PTPRD: variants seen among roughly 807,000 people sequenced by gnomAD.
PTPRD encodes the protein receptor-type tyrosine-protein phosphatase delta.
In PTPRD, 34 loss-of-function variants were observed where a neutral mutation model predicts 214.5. The observed-to-expected ratio is 0.16, with a 90% CI of 0.12 to 0.21. The LOEUF (loss-of-function observed/expected upper bound fraction) is 0.21. Ranked by LOEUF, PTPRD falls within the 10% of genes least tolerant of loss-of-function variation. The pLI, the probability that PTPRD is intolerant of heterozygous loss-of-function variation, is 1.00. For synonymous variants in PTPRD, 1,128 were observed against 845.7 expected, an observed-to-expected ratio of 1.33 and a Z score of -5.79; for missense variants, 2,545 against 2,398.7, an observed-to-expected ratio of 1.06 and a Z score of -1.27.
At chr9:9,932,970 C>A (rs1324792548) in intron 5 of PTPRD, among the ~76,000 whole-genome samples, 2 of 149,588 alleles carry the variant, frequency 1.3e-5, no homozygotes, top group Non-Finnish European at 1.5e-5. Context: ...TCATATCCAG[C>A]CAAACTAAGC....
intron 10 of PTPRD, among the ~76,000 whole-genome samples, chr9:9,178,552 T>G (rs970467807): frequency 6.6e-6 from 1 of 152,116 alleles, no homozygotes; most frequent in African/African-American, 2.4e-5. Context: ...ACAGCCTATT[T>G]TAGTTCTAAT....
chr9:10,538,280 AAATAAATAAATAAAT>A (rs2058325032), intron 2 of PTPRD, among the ~76,000 whole-genome samples: 1 of 149,674 alleles, frequency 6.7e-6, no homozygotes, highest in Admixed American at 6.7e-5. Context: ...ATAAATAAAT[AAATAAATAAATAAAT>A]AAAAAGGGAG....
intron 10 of PTPRD, among the ~76,000 whole-genome samples, chr9:9,182,359 A>G (rs907305149): frequency 1.3e-5 from 2 of 152,036 alleles, no homozygotes; most frequent in Non-Finnish European, 2.9e-5. Flanking sequence ...TAAACTGAGG[A>G]TGCAAAATTT....
intron 3 of PTPRD, among the ~76,000 whole-genome samples, chr9:10,067,847 A>G (rs988283972): frequency 2.0e-5 from 3 of 151,906 alleles, no homozygotes; most frequent in Non-Finnish European, 4.4e-5. Flanking sequence ...TCTGGATGAA[A>G]AAGCCTAGAT....
chr9:9,274,799 A>G (rs551859668), intron 9 of PTPRD, among the ~76,000 whole-genome samples: 1 of 150,454 alleles, frequency 6.6e-6, no homozygotes, highest in Admixed American at 6.7e-5. Flanking sequence ...TATTTTTATT[A>G]TTAAACCAGC....
At chr9:8,865,889 A>AG (rs1161515522) in intron 11 of PTPRD, among the ~76,000 whole-genome samples, 2 of 152,176 alleles carry the variant, frequency 1.3e-5, no homozygotes, top group African/African-American at 4.8e-5. Flanking sequence ...ACGGGAGTGG[A>AG]TGGATTCGTA....
At chr9:8,345,391 T>C (rs1393105298) in intron 39 of PTPRD, among the ~76,000 whole-genome samples, 3 of 152,060 alleles carry the variant, frequency 2.0e-5, no homozygotes, top group Non-Finnish European at 4.4e-5. Flanking sequence ...TGCTTCACAA[T>C]GCTTTCCACC....
chr9:9,998,129 A>AAATATATATATATATATATATATAT (rs57991748), intron 4 of PTPRD, among the ~76,000 whole-genome samples: 1 of 91,462 alleles, frequency 1.1e-5, no homozygotes, highest in African/African-American at 5.9e-5. Context: ...AAAAAAAAAA[A>AAATATATATATATATATATATATAT]ATATATATAT....
chr9:9,791,985 T>G (rs1184080503), intron 5 of PTPRD, among the ~76,000 whole-genome samples: 1 of 152,154 alleles, frequency 6.6e-6, no homozygotes, highest in Non-Finnish European at 1.5e-5. Context: ...CATCTAGAGT[T>G]CTGTTGTCCT....
chr9:9,433,772 C>T (rs558578236), intron 8 of PTPRD, among the ~76,000 whole-genome samples: 3 of 152,138 alleles, frequency 2.0e-5, no homozygotes, highest in Admixed American at 2.0e-4. Context: ...ATTTTAGTAC[C>T]AAAATGGCCA....
intron 3 of PTPRD, among the ~76,000 whole-genome samples, chr9:10,119,346 AGT>A (rs1287125084): frequency 1.3e-5 from 2 of 151,996 alleles, no homozygotes; most frequent in African/African-American, 4.8e-5. Context: ...CCATCTCCAT[AGT>A]GTTTGCCTTC....
chr9:10,572,884 T>C (rs868781376), intron 2 of PTPRD, among the ~76,000 whole-genome samples: 1 of 152,172 alleles, frequency 6.6e-6, no homozygotes, highest in Non-Finnish European at 1.5e-5. Flanking sequence ...TTTTTTTATT[T>C]TTTTAAACTT....
rs1295595465 is a variant in PTPRD, at chr9:9,950,471, TC to T, written c.-471-11862del. 2.1e-5 allele frequency among the ~76,000 whole-genome samples: 2 copies of T among 95,472 alleles called. 1 individual carries two copies. The highest frequency in any genetic ancestry group is 1.6e-4 in the African/African-American group (2 of 12,456). 62.6% of individuals were successfully genotyped at this position (95,472 alleles called of 152,430 possible). On this transcript the variant is annotated intron_variant, in intron 4 of 45. Coordinates refer to ENST00000381196, the MANE Select transcript of PTPRD (RefSeq NM_002839.4). ...CGGGCGCGGTGGCTCACGCCTGTAA[TC>T]CCAGCACTTTGGGAGGCCGAGGCGG...
intron 3 of PTPRD, among the ~76,000 whole-genome samples, chr9:10,141,376 T>A (rs980322067): frequency 2.0e-5 from 3 of 152,122 alleles, no homozygotes; most frequent in African/African-American, 7.2e-5. Flanking sequence ...CAAAATCTCC[T>A]TAAGCTGATA....
At chr9:10,238,021 T>C (rs1171617451) in intron 3 of PTPRD, among the ~76,000 whole-genome samples, 1 of 137,796 alleles carries the variant, frequency 7.3e-6, no homozygotes, top group African/African-American at 2.5e-5. Flanking sequence ...CAGGGCCGAG[T>C]TCCCATTTGC....
chr9:10,537,622 T>C (rs1283631749), intron 2 of PTPRD, among the ~76,000 whole-genome samples: 1 of 152,190 alleles, frequency 6.6e-6, no homozygotes, highest in Non-Finnish European at 1.5e-5. Flanking sequence ...GTTTTGTGCT[T>C]TTCTTTACAT....
intron 12 of PTPRD, among the ~76,000 whole-genome samples, chr9:8,703,654 G>A (rs572044293): frequency 2.6e-5 from 4 of 152,144 alleles, no homozygotes; most frequent in African/African-American, 9.6e-5. Context: ...ATTAACTGGG[G>A]AACCCAAAGC....
At chr9:8,395,860 T>C (rs147675118) in intron 36 of PTPRD, among the ~76,000 whole-genome samples, 151 of 152,134 alleles carry the variant, frequency 9.9e-4, no homozygotes, top group African/African-American at 3.6e-3. Context: ...TTGAATACAT[T>C]GCAAGATCAG....
chr9:9,169,043 A>C (rs7027972), intron 10 of PTPRD, among the ~76,000 whole-genome samples: 5,313 of 152,066 alleles, frequency 0.035, 309 homozygotes, highest in African/African-American at 0.12. Context: ...TGGGTGCTAC[A>C]AAACGTATAT....
Sources: allele counts gnomAD v4.1 joint callset (sites outside exome capture counted in the v4.1 genomes callset), GRCh38; gene constraint gnomAD v4.1.1; transcripts MANE v1.5; gene names NCBI Gene and HGNC (gene_info 2026-07-23, HGNC 2026-07-21).